The following TSGA10 variants were observed in gnomAD, a reference collection of about 807,000 sequenced individuals.
TSGA10 encodes testis specific 10, also known as testis-specific gene 10 protein.
TSGA10 carries 43 observed loss-of-function variants against 96.6 expected under a neutral mutation model. That is an observed-to-expected ratio of 0.44 (90% confidence interval 0.35 to 0.57). The LOEUF (loss-of-function observed/expected upper bound fraction) is 0.57. Among genes scored for constraint, TSGA10 ranks in the 20% least tolerant of loss-of-function variants. The probability of loss-of-function intolerance (pLI) is 0.01; values close to 1 mark genes in which losing one functional copy is unlikely to be tolerated. For synonymous variants in TSGA10, 229 were observed against 269.9 expected, an observed-to-expected ratio of 0.85 and a Z score of 1.48; for missense variants, 703 against 834.4, an observed-to-expected ratio of 0.84 and a Z score of 1.94.
chr2:99,085,953 AAC>A (rs1469662112), intron 10 of TSGA10, among the ~76,000 whole-genome samples: 4 of 152,214 alleles, frequency 2.6e-5, no homozygotes, highest in Admixed American at 6.5e-5. Flanking sequence ...TCTACGGATC[AAC>A]AGACTAATAA....
intron 16 of TSGA10, among the ~76,000 whole-genome samples, chr2:99,050,683 A>T (rs995320295): frequency 2.0e-5 from 3 of 152,124 alleles, no homozygotes; most frequent in African/African-American, 7.2e-5. Context: ...ATCACAAAAA[A>T]ATTTTTTAAT....
intron 10 of TSGA10, among the ~76,000 whole-genome samples, chr2:99,094,972 C>T (rs1224483263): frequency 6.6e-6 from 1 of 152,100 alleles, no homozygotes; most frequent in Non-Finnish European, 1.5e-5. Context: ...GCACAATTAG[C>T]AATTTCAAAA....
intron 17 of TSGA10, among the ~76,000 whole-genome samples, chr2:99,028,331 C>A (rs147557825): frequency 6.6e-5 from 10 of 152,094 alleles, no homozygotes; most frequent in Admixed American, 4.6e-4. Context: ...TGTTGAGGTA[C>A]GATTGACAAA....
At chr2:99,046,766 A>G (rs1345273029) in intron 16 of TSGA10, among the ~76,000 whole-genome samples, 1 of 152,224 alleles carries the variant, frequency 6.6e-6, no homozygotes, top group Non-Finnish European at 1.5e-5. Context: ...ACCCTTCAAA[A>G]AATCAATGAA....
intron 17 of TSGA10, among the ~76,000 whole-genome samples, chr2:99,031,286 CAAAAAAAAAAAAAAAA>C (rs70940132): frequency 4.3e-5 from 2 of 46,382 alleles, no homozygotes; most frequent in African/African-American, 9.7e-5. Context: ...ACTCATAGGC[CAAAAAAAAAAAAAAAA>C]AAAAAAAAAA....
chr2:99,094,714 C>A (rs191641257), intron 10 of TSGA10, among the ~76,000 whole-genome samples: 42 of 152,298 alleles, frequency 2.8e-4, no homozygotes, highest in Non-Finnish European at 5.7e-4. Flanking sequence ...CCACCTTACT[C>A]CTGCAAGAAT....
rs551568113 is a variant in TSGA10, at chr2:99,101,575, G to GA, written c.611+2391dup. On this transcript the variant is annotated intron_variant, in intron 10 of 20. Coordinates refer to ENST00000393483, the MANE Select transcript of TSGA10 (RefSeq NM_025244.4). ...TAGAAAATACCCAGAGGATAAAAAAGAAAAAAGAGTAAAAAGAAATGAAGA... is the reference window on the plus strand; with the variant it reads ...TAGAAAATACCCAGAGGATAAAAAAGAAAAAAAGAGTAAAAAGAAATGAAGA... Among the ~76,000 whole-genome samples the GA allele has an allele frequency of 1.1e-4, 17 of 151,540 alleles. No homozygotes were observed. In the South Asian group the frequency reaches 3.1e-3, roughly 28 times the overall value.
chr2:99,131,458 G>T (rs1254446985), intron 1 of TSGA10, among the ~76,000 whole-genome samples: 1 of 152,112 alleles, frequency 6.6e-6, no homozygotes, highest in African/African-American at 2.4e-5. Flanking sequence ...TCTGATTTCT[G>T]CACATTGATT....
intron 1 of TSGA10, among the ~76,000 whole-genome samples, chr2:99,133,773 G>C (rs1390163373): frequency 1.3e-5 from 2 of 152,180 alleles, no homozygotes; most frequent in Non-Finnish European, 1.5e-5. Flanking sequence ...TTGTAAGCCA[G>C]GTCTGGTGGT....
At chr2:99,126,931 G>C in intron 2 of TSGA10, 117 bp downstream of exon 2, 1 of 934,966 alleles carries the variant, frequency 1.1e-6, no homozygotes, top group Non-Finnish European at 1.4e-6. Context: ...AATGATTTTA[G>C]ACCCATAACA....
chr2:99,029,575 T>C (rs1321274360), intron 17 of TSGA10, among the ~76,000 whole-genome samples: 1 of 152,206 alleles, frequency 6.6e-6, no homozygotes, highest in Non-Finnish European at 1.5e-5. Flanking sequence ...ATCTCAGGGA[T>C]GGAAGGCTGG....
chr2:99,033,087 G>C (rs1013449241), intron 17 of TSGA10, among the ~76,000 whole-genome samples: 2 of 152,222 alleles, frequency 1.3e-5, no homozygotes, highest in African/African-American at 4.8e-5. Context: ...GGCAGTGGTT[G>C]CCATGGCTGG....
Position 99,105,651 on chromosome 2 carries a change from C to G in TSGA10, c.257G>C (p.Cys86Ser), listed in dbSNP as rs766639095. 2.9e-5 allele frequency: 46 copies of G among 1,597,230 alleles called. No homozygotes were observed. The Admixed American group carries it at 3.7e-4, about 13-fold the overall frequency. Residue 86 changes from cysteine to serine, a missense_variant, in exon 8 of 21, where the codon TGT (cysteine) becomes TCT (serine). This residue lies in a region of TSGA10 where 585 missense variants were observed against 656.8 expected (regional missense o/e 0.89). Transcript: ENST00000393483. ...TRLRREMMKSCKSPKSTTAHA... is the reference protein window; with the variant it reads ...TRLRREMMKSSKSPKSTTAHA... ...TGCCGTTGTTGATTTAGGACTCTTA[C>G]AGCTTTTCATCATTTCTCGTCGAAG...
chr2:99,037,895 G>A (rs528204338), intron 16 of TSGA10, among the ~76,000 whole-genome samples: 1 of 151,924 alleles, frequency 6.6e-6, no homozygotes, highest in South Asian at 2.1e-4. Context: ...AGAATCTTAA[G>A]ATCTGTGAGG....
intron 1 of TSGA10, among the ~76,000 whole-genome samples, chr2:99,135,172 C>T (rs2105057209): frequency 6.6e-6 from 1 of 152,340 alleles, no homozygotes; most frequent in East Asian, 1.9e-4. Flanking sequence ...TCTGCTGAAG[C>T]TGCACCCACA....
At chr2:99,034,333 C>T (rs1292369223) in intron 17 of TSGA10, among the ~76,000 whole-genome samples, 5 of 151,814 alleles carry the variant, frequency 3.3e-5, no homozygotes, top group African/African-American at 7.3e-5. Context: ...ACCAGGGAGT[C>T]GGAGGTTGCA....
chr2:99,009,604 C>T (rs537433846), intron 20 of TSGA10, among the ~76,000 whole-genome samples: 243 of 147,704 alleles, frequency 1.6e-3, no homozygotes, highest in South Asian at 5.2e-3. Context: ...AAAAAGTTGG[C>T]CTGTTTATTG....
intron 10 of TSGA10, among the ~76,000 whole-genome samples, chr2:99,085,609 TAAAAAAAA>T (rs200309936): frequency 0.012 from 604 of 52,498 alleles, 28 homozygotes; most frequent in African/African-American, 0.069. Context: ...ATCCTGTCTT[TAAAAAAAA>T]AAAAAAAAAA....
intron 10 of TSGA10, among the ~76,000 whole-genome samples, chr2:99,086,838 A>G (rs1382593466): frequency 6.6e-6 from 1 of 152,144 alleles, no homozygotes; most frequent in East Asian, 1.9e-4. Flanking sequence ...AATCCTATAA[A>G]ATCTACCAAA....
Sources: gnomAD v4.1 joint callset for allele counts (sites outside exome capture counted in the v4.1 genomes callset) on GRCh38, gnomAD v4.1.1 for gene constraint, gnomAD v4.1.1 regional missense constraint, MANE v1.5 for transcripts, NCBI Gene and HGNC (gene_info 2026-07-23, HGNC 2026-07-21) for gene names.